ERG: variants seen among roughly 807,000 people sequenced by gnomAD.
The protein encoded by ERG is ETS transcription factor ERG.
ERG carries 9 observed loss-of-function variants against 55.3 expected under a neutral mutation model. That is an observed-to-expected ratio of 0.16 (90% CI 0.10 to 0.28). The LOEUF (loss-of-function observed/expected upper bound fraction) is 0.28, where lower values mean the gene tolerates loss of function less well. Among genes scored for constraint, ERG ranks in the 10% least tolerant of loss-of-function variants. The pLI is 1.00. For synonymous variants in ERG, 223 were observed against 237.3 expected, an observed-to-expected ratio of 0.94 and a Z score of 0.55; for missense variants, 434 against 631.6, an observed-to-expected ratio of 0.69 and a Z score of 3.35.
chr21:38,544,131 TG>T (rs918514177), intron 2 of ERG, among the ~76,000 whole-genome samples: 11 of 152,068 alleles, frequency 7.2e-5, no homozygotes, highest in African/African-American at 1.9e-4. Flanking sequence ...TCATAAATGA[TG>T]GGTAGAACAT....
At chr21:38,534,475 C>T (rs2059695040) in intron 2 of ERG, among the ~76,000 whole-genome samples, 1 of 152,126 alleles carries the variant, frequency 6.6e-6, no homozygotes, top group Non-Finnish European at 1.5e-5. Flanking sequence ...AAGCAAGTGA[C>T]ACTCAATAGC....
At chr21:38,398,705 T>C (rs1199114824) in intron 6 of ERG, among the ~76,000 whole-genome samples, 4 of 152,056 alleles carry the variant, frequency 2.6e-5, no homozygotes, top group African/African-American at 7.2e-5. Flanking sequence ...ATCCACCATA[T>C]CCTAAAATGT....
At chr21:38,375,738 T>A (rs1488207678), downstream of ERG, among the ~76,000 whole-genome samples, 1 of 152,300 alleles carries the variant, frequency 6.6e-6, no homozygotes, top group South Asian at 2.1e-4. Flanking sequence ...TTTGGCTTGA[T>A]TGCGCATCAC....
At chr21:38,605,971 A>ATAGG (rs935137365) in intron 1 of ERG, among the ~76,000 whole-genome samples, 1 of 152,040 alleles carries the variant, frequency 6.6e-6, no homozygotes, top group South Asian at 2.1e-4. Flanking sequence ...AGGTAGGTAG[A>ATAGG]TAGGTAGGTA....
At chr21:38,584,772 T>TTACATATCC (rs569381896) in intron 1 of ERG, 363 of 152,206 alleles carry the variant, frequency 2.4e-3, no homozygotes, top group African/African-American at 8.3e-3. Flanking sequence ...TACAAAATAT[T>TTACATATCC]TACATATCCA....
At position 38,380,212 on chromosome 21, in the gene ERG, C is replaced by T. The variant is rs1292689229; in HGVS notation, c.*3191G>A. The T allele has an allele frequency of 1.0e-5, 11 of 1,051,814 alleles. No homozygotes were observed. The highest frequency in any genetic ancestry group is 5.5e-5 in the Admixed American group (1 of 18,258). 65.2% of individuals were successfully genotyped at this position (1,051,814 alleles called of 1,614,324 possible). On this transcript the variant is annotated 3_prime_UTR_variant, in exon 10 of 10. Transcript: ENST00000288319. ...CATCTGTGCTTTCCCTGTGCCCCAT[C>T]ACCTTCCCAGCTCCTGAGCTGTAGC...
chr21:38,635,279 G>T (rs973648233), intron 1 of ERG, among the ~76,000 whole-genome samples: 1 of 152,002 alleles, frequency 6.6e-6, no homozygotes, highest in South Asian at 2.1e-4. Flanking sequence ...TACTATAATA[G>T]TATAGCCTAC....
At chr21:38,554,788 C>T (rs1156613955) in intron 2 of ERG, among the ~76,000 whole-genome samples, 3 of 151,070 alleles carry the variant, frequency 2.0e-5, no homozygotes, top group South Asian at 2.1e-4. Context: ...AATTTACCCA[C>T]GTAACAAACG....
At chr21:38,547,888 G>C (rs187323411) in intron 2 of ERG, among the ~76,000 whole-genome samples, 1 of 150,778 alleles carries the variant, frequency 6.6e-6, no homozygotes, top group Admixed American at 6.6e-5. Flanking sequence ...TAATACTTAG[G>C]GTCTAACCAC....
intron 2 of ERG, among the ~76,000 whole-genome samples, chr21:38,425,324 G>A (rs1047165167): frequency 3.3e-5 from 5 of 151,994 alleles, no homozygotes; most frequent in Admixed American, 6.6e-5. Context: ...GGTTGAGGTC[G>A]TGGTGAGCTG....
At chr21:38,472,977 C>T (rs1479992486) in intron 1 of ERG, among the ~76,000 whole-genome samples, 2 of 152,150 alleles carry the variant, frequency 1.3e-5, no homozygotes, top group Non-Finnish European at 2.9e-5. Flanking sequence ...CGGCTGACCT[C>T]GGCTCCCCGC....
downstream of ERG, chr21:38,379,951 A>G (rs938688113): frequency 1.1e-6 from 1 of 949,020 alleles, no homozygotes; most frequent in Non-Finnish European, 1.3e-6. Context: ...TCTGTCCTTC[A>G]AAGTGTTGGG....
intron 1 of ERG, among the ~76,000 whole-genome samples, chr21:38,628,330 CCA>C (rs2060337622): frequency 6.6e-6 from 1 of 152,180 alleles, no homozygotes; most frequent in African/African-American, 2.4e-5. Flanking sequence ...GAAACAAAGA[CCA>C]CAGAGTCATA....
chr21:38,381,618 T>A lies in ERG; in HGVS notation c.*1785A>T, dbSNP rs1382674715. 4.7e-6 allele frequency: 5 copies of A among 1,063,432 alleles called. No homozygotes were observed. Among genetic ancestry groups the A allele is most frequent in the Non-Finnish European group, 4.6e-6 (4 of 878,104 alleles). The allele number at this position is 1,063,432 out of a possible 1,614,324, so 65.9% of individuals were successfully genotyped here. A position where few individuals can be genotyped will look rare whatever the true frequency, so the allele number is the denominator to read the frequency against. On this transcript the variant is annotated 3_prime_UTR_variant, in exon 10 of 10. Coordinates refer to ENST00000288319, the MANE Select transcript of ERG (RefSeq NM_182918.4). ...TCCATGACGCTTTATTTGCCAGTAA[T>A]AATACAGTTTGCCTTACGAGTGGTA...
At chr21:38,436,793 G>A (rs1187513444) in intron 2 of ERG, among the ~76,000 whole-genome samples, 3 of 152,094 alleles carry the variant, frequency 2.0e-5, no homozygotes, top group Admixed American at 6.5e-5. Context: ...TTATTGCTGG[G>A]CCCTGAACAT....
downstream of ERG, among the ~76,000 whole-genome samples, chr21:38,376,584 C>T (rs558677451): frequency 6.6e-6 from 1 of 152,358 alleles, no homozygotes; most frequent in South Asian, 2.1e-4. Flanking sequence ...ACCTGACTCC[C>T]GAGTTGGTTG....
chr21:38,388,110 C>T (rs557086448), intron 9 of ERG, among the ~76,000 whole-genome samples: 54 of 152,328 alleles, frequency 3.5e-4, no homozygotes, highest in African/African-American at 1.3e-3. Context: ...CCTGGTCTGT[C>T]GTTCTGCAAG....
chr21:38,589,188 GA>G (rs1029162277), upstream of ERG, among the ~76,000 whole-genome samples: 13 of 152,276 alleles, frequency 8.5e-5, no homozygotes, highest in African/African-American at 2.6e-4. Context: ...GAAAACTCCA[GA>G]AAAGCTACCC....
At chr21:38,642,511 T>G (rs1217107706) in intron 1 of ERG, among the ~76,000 whole-genome samples, 1 of 151,978 alleles carries the variant, frequency 6.6e-6, no homozygotes, top group Non-Finnish European at 1.5e-5. Flanking sequence ...CACCTGCAGA[T>G]TCTCAGAGCA....
Sources: gnomAD v4.1 joint callset for allele counts (sites outside exome capture counted in the v4.1 genomes callset) on GRCh38, gnomAD v4.1.1 for gene constraint, MANE v1.5 for transcripts, NCBI Gene and HGNC (gene_info 2026-07-23, HGNC 2026-07-21) for gene names.